Variants in HDAC9 observed in about 807,000 individuals in gnomAD.
HDAC9 encodes the protein histone deacetylase 9.
A neutral mutation model predicts 139.4 loss-of-function variants in HDAC9; 41 were observed. The observed-to-expected ratio is 0.29, with a 90% CI of 0.23 to 0.38. The LOEUF is 0.38. HDAC9 is among the 10% of genes least tolerant of loss of function. HDAC9 has a pLI of 1.00. For missense variants in HDAC9, 1,147 were observed against 1,297.0 expected (o/e 0.88, Z 1.78); for synonymous variants, 517 against 476.2 (o/e 1.09, Z -1.12).
intron 1 of HDAC9, among the ~76,000 whole-genome samples, chr7:18,370,347 C>T (rs1300378232): frequency 6.6e-6 from 1 of 152,140 alleles, no homozygotes; most frequent in Non-Finnish European, 1.5e-5. Context: ...CTAAAATCAA[C>T]ATGATGGTAT....
Position 18,173,284 on chromosome 7 carries a change from T to C in HDAC9, c.25+10935T>C, listed in dbSNP as rs575214476. Among the ~76,000 whole-genome samples, 4 of 152,324 alleles carry C rather than the reference T, an allele frequency of 2.6e-5. No individual in the cohort carries two copies. The South Asian group carries it at 8.3e-4, about 32-fold the overall frequency. On this transcript the variant is annotated intron_variant, in intron 2 of 12. Transcript: ENST00000417496. ...GACTAGGATTGCAACCCCTGTTTTC[T>C]TTTTGCTTTCCATTTGCTTGGTAGA...
At chr7:18,709,132 A>G (rs1424934618) in intron 12 of HDAC9, among the ~76,000 whole-genome samples, 1 of 150,792 alleles carries the variant, frequency 6.6e-6, no homozygotes, top group Non-Finnish European at 1.5e-5. Flanking sequence ...TTACATAGGT[A>G]TATGTGTGCC....
At chr7:18,825,344 T>A (rs912886705) in intron 17 of HDAC9, among the ~76,000 whole-genome samples, 4 of 151,996 alleles carry the variant, frequency 2.6e-5, no homozygotes, top group African/African-American at 4.8e-5. Flanking sequence ...CAAGGGAGAT[T>A]GATTAGGAAG....
intron 1 of HDAC9, among the ~76,000 whole-genome samples, chr7:18,462,187 C>A (rs573595047): frequency 6.6e-6 from 1 of 151,966 alleles, no homozygotes; most frequent in South Asian, 2.1e-4. Flanking sequence ...ATGTTATAAG[C>A]AATTCCATCT....
chr7:18,920,331 A>G (rs994310511), intron 22 of HDAC9, among the ~76,000 whole-genome samples: 6 of 151,986 alleles, frequency 3.9e-5, no homozygotes, highest in African/African-American at 7.2e-5. Flanking sequence ...TGTGATTTTT[A>G]CACATTGATT....
intron 14 of HDAC9, among the ~76,000 whole-genome samples, chr7:18,750,009 T>C (rs939671680): frequency 6.6e-6 from 1 of 152,184 alleles, no homozygotes; most frequent in South Asian, 2.1e-4. Flanking sequence ...ACAAATATGG[T>C]CCCAAAATGT....
chr7:18,317,480 G>A (rs528918263), intron 1 of HDAC9, among the ~76,000 whole-genome samples: 35 of 152,250 alleles, frequency 2.3e-4, no homozygotes, highest in African/African-American at 6.5e-4. Flanking sequence ...ATCTTAAAAC[G>A]GACTTTTGAA....
intron 23 of HDAC9, among the ~76,000 whole-genome samples, chr7:18,942,182 A>C (rs1454627922): frequency 2.0e-5 from 3 of 152,088 alleles, no homozygotes; most frequent in Non-Finnish European, 2.9e-5. Context: ...GTGCTTTGGG[A>C]ATATAACATA....
intron 12 of HDAC9, chr7:18,667,400 T>C: frequency 1.0e-6 from 1 of 982,118 alleles, no homozygotes; most frequent in Non-Finnish European, 1.2e-6. Context: ...CACTAGAATC[T>C]CTTAAGTATA....
chr7:18,891,530 A>C (rs1800679335), intron 22 of HDAC9, among the ~76,000 whole-genome samples: 1 of 152,184 alleles, frequency 6.6e-6, no homozygotes, highest in African/African-American at 2.4e-5. Context: ...TTGAACAGTA[A>C]ATCATTGAGT....
In HDAC9 at chr7:18,767,119, A is replaced by G. The variant is rs1789896586; in HGVS notation, c.2178A>G (p.Gln726=). 1 of 1,571,008 alleles carries G rather than the reference A, an allele frequency of 6.4e-7. No homozygotes were observed. Among genetic ancestry groups the G allele is most frequent in the Non-Finnish European group, 8.7e-7 (1 of 1,152,528 alleles). Residue 726 remains glutamine (Q), a synonymous_variant, in exon 16 of 26, where the codon CAA becomes CAG. Transcript: ENST00000686413. ...DPRILLGDDS[Q]KFFSSLPCGG... ...CTTACTGTATAGGTGATGACTCTCAAAAGTTTTTTTCCTCATTACCTTGTG... is the reference window on the plus strand; with the variant it reads ...CTTACTGTATAGGTGATGACTCTCAGAAGTTTTTTTCCTCATTACCTTGTG...
intron 22 of HDAC9, among the ~76,000 whole-genome samples, chr7:18,915,926 G>A (rs545115313): frequency 1.3e-5 from 2 of 150,866 alleles, no homozygotes; most frequent in African/African-American, 4.9e-5. Flanking sequence ...GACTTCAGAG[G>A]GAATTTCAGG....
At position 18,864,295 on chromosome 7, in the gene HDAC9, G is replaced by T. The variant is rs570401146; in HGVS notation, c.2685-10183G>T. Among the ~76,000 whole-genome samples the T allele has an allele frequency of 2.0e-5, 3 of 152,300 alleles. 1 individual carries two copies. The South Asian group carries it at 6.2e-4, about 32-fold the overall frequency. ...GGCAGAATCAGGACAAATACTGCATGATTTCACTTACATGAGGTATCTAAA... is the reference window on the plus strand; with the variant it reads ...GGCAGAATCAGGACAAATACTGCATTATTTCACTTACATGAGGTATCTAAA... On this transcript the variant is annotated intron_variant, in intron 21 of 25. Coordinates refer to ENST00000686413, the MANE Select transcript of HDAC9 (RefSeq NM_178425.4).
intron 21 of HDAC9, among the ~76,000 whole-genome samples, chr7:18,859,545 C>T (rs1439122302): frequency 6.9e-6 from 1 of 144,096 alleles, no homozygotes; most frequent in Non-Finnish European, 1.5e-5. Context: ...CATTGCTACG[C>T]AATTAAAAAA....
chr7:18,146,861 C>T (rs1189194377), intron 1 of HDAC9, among the ~76,000 whole-genome samples: 1 of 152,110 alleles, frequency 6.6e-6, no homozygotes, highest in African/African-American at 2.4e-5. Flanking sequence ...TTAATCCTCT[C>T]ATAATGCCCT....
chr7:18,596,903 AG>A (rs1832659543), intron 6 of HDAC9, among the ~76,000 whole-genome samples: 1 of 152,166 alleles, frequency 6.6e-6, no homozygotes, highest in African/African-American at 2.4e-5. Context: ...AATCAGAGTT[AG>A]AAAAGTCCTA....
At chr7:18,396,390 G>A (rs1388300429) in intron 1 of HDAC9, among the ~76,000 whole-genome samples, 2 of 152,112 alleles carry the variant, frequency 1.3e-5, no homozygotes, top group South Asian at 2.1e-4. Context: ...AGGGTGGAGG[G>A]ATAGTATAGA....
intron 2 of HDAC9, among the ~76,000 whole-genome samples, chr7:18,265,410 C>T (rs917868522): frequency 3.3e-5 from 5 of 152,266 alleles, no homozygotes; most frequent in East Asian, 1.9e-4. Context: ...TTATTTAGAA[C>T]GCCAGAGTAC....
chr7:18,657,175 T>C (rs1409120029), intron 11 of HDAC9, among the ~76,000 whole-genome samples: 2 of 152,162 alleles, frequency 1.3e-5, no homozygotes, highest in Non-Finnish European at 2.9e-5. Context: ...TCCTGGTTAT[T>C]AATCTCTTGT....
Sources: gnomAD v4.1 joint callset for allele counts (sites outside exome capture counted in the v4.1 genomes callset) on GRCh38, gnomAD v4.1.1 for gene constraint, MANE v1.5 for transcripts, NCBI Gene and HGNC (gene_info 2026-07-23, HGNC 2026-07-21) for gene names.